Variants in OTULIN observed in about 807,000 individuals in gnomAD.
OTULIN encodes OTU deubiquitinase with linear linkage specificity.
OTULIN carries 15 observed loss-of-function variants against 39.6 expected under a neutral mutation model. The observed-to-expected ratio is 0.38, with a 90% confidence interval of 0.25 to 0.58. The LOEUF (loss-of-function observed/expected upper bound fraction) is 0.58, where lower values mean the gene tolerates loss of function less well. Among genes scored for constraint, OTULIN ranks in the 20% least tolerant of loss-of-function variants. The pLI, the probability that OTULIN is intolerant of heterozygous loss-of-function variation, is 0.66. For synonymous variants in OTULIN, 156 were observed against 170.3 expected (o/e 0.92, Z 0.65); for missense variants, 319 against 445.9 (o/e 0.72, Z 2.56).
Position 14,695,748 on chromosome 5 carries a change from A to G in OTULIN, c.*2700A>G, listed in dbSNP as rs1051472887. On this transcript the variant is annotated 3_prime_UTR_variant, in exon 7 of 7. Transcript: ENST00000284274. The stretch of plus-strand genomic sequence containing the variant: ...ATCCACAAGGAACAATGATAGTCAC[A>G]TTAGAGAACAAGAAACCAGTAATAC... The G allele has an allele frequency of 2.6e-4, 39 of 152,240 alleles. No individual in the cohort carries two copies. Among genetic ancestry groups the G allele is most frequent in the African/African-American group, 9.4e-4 (39 of 41,450 alleles). The allele number at this position is 152,240 out of a possible 1,614,324, so 9.4% of individuals were successfully genotyped here.
rs568767285 is a variant in OTULIN, at chr5:14,695,177, T to C, written c.*2129T>C. ...TGTCAGAATCTGTCAGACTCTTGTTTAGGTTTAGTGTGATCATGGCGTCAG... is the reference window on the plus strand; with the variant it reads ...TGTCAGAATCTGTCAGACTCTTGTTCAGGTTTAGTGTGATCATGGCGTCAG... On this transcript the variant is annotated 3_prime_UTR_variant, in exon 7 of 7. Coordinates refer to ENST00000284274, the MANE Select transcript of OTULIN (RefSeq NM_138348.6). 7.9e-5 allele frequency: 12 copies of C among 152,368 alleles called. No homozygotes were observed. Among genetic ancestry groups the C allele is most frequent in the African/African-American group, 2.2e-4 (9 of 41,592 alleles). The allele number at this position is 152,368 out of a possible 1,614,324, so 9.4% of individuals were successfully genotyped here.
chr5:14,686,753 C>T (rs1314430651), intron 4 of OTULIN, among the ~76,000 whole-genome samples: 2 of 152,152 alleles, frequency 1.3e-5, no homozygotes, highest in African/African-American at 4.8e-5. Flanking sequence ...TCAGGCTGTG[C>T]CTCAGCTTGC....
At chr5:14,680,811 C>T (rs1736229551) in intron 3 of OTULIN, among the ~76,000 whole-genome samples, 2 of 152,214 alleles carry the variant, frequency 1.3e-5, no homozygotes, top group South Asian at 2.1e-4. Context: ...GTAATCCCTG[C>T]ACTTTGGGAG....
intron 2 of OTULIN, among the ~76,000 whole-genome samples, chr5:14,676,379 C>T (rs1470149955): frequency 7.9e-5 from 12 of 152,262 alleles, no homozygotes; most frequent in Admixed American, 7.8e-4. Flanking sequence ...TGTCCTGCAT[C>T]TCCAGCTCCT....
At chr5:14,682,610 A>T (rs1736282495) in intron 4 of OTULIN, among the ~76,000 whole-genome samples, 1 of 152,256 alleles carries the variant, frequency 6.6e-6, no homozygotes, top group South Asian at 2.1e-4. Flanking sequence ...ATAGCAATTT[A>T]TGAAAAGAAA....
chr5:14,682,104 G>T (rs1432670826), intron 4 of OTULIN, among the ~76,000 whole-genome samples: 1 of 152,216 alleles, frequency 6.6e-6, no homozygotes, highest in Non-Finnish European at 1.5e-5. Context: ...GACTCAGCCT[G>T]TCCCAGGCCT....
In OTULIN at chr5:14,687,511, G is replaced by A. The variant is rs189738566; in HGVS notation, c.469-10G>A. 1.0e-3 allele frequency: 1,649 copies of A among 1,608,190 alleles called. 1 individual carries two copies. Among genetic ancestry groups the A allele is most frequent in the Non-Finnish European group, 1.3e-3 (1,519 of 1,178,296 alleles). ...ACACTTCTTTATCTCTTTGTTTCTC[G>A]ATGTTGTAGTTACCAGAAAAACTCA... On this transcript the variant is annotated splice_polypyrimidine_tract_variant and intron_variant, in intron 4 of 6. Coordinates refer to ENST00000284274, the MANE Select transcript of OTULIN (RefSeq NM_138348.6).
At chr5:14,686,806 G>A (rs894823290) in intron 4 of OTULIN, among the ~76,000 whole-genome samples, 3 of 152,096 alleles carry the variant, frequency 2.0e-5, no homozygotes, top group Admixed American at 1.3e-4. Context: ...GGGAAACAAA[G>A]TAACAAATAC....
At position 14,667,539 on chromosome 5, in the gene OTULIN, A is replaced by AT. The variant is rs1051186227; in HGVS notation, c.152+2571dup. Among the ~76,000 whole-genome samples the AT allele has an allele frequency of 1.6e-4, 24 of 151,608 alleles. No homozygotes were observed. In the East Asian group the frequency reaches 3.1e-3, roughly 20 times the overall value. On this transcript the variant is annotated intron_variant, in intron 1 of 6. Transcript: ENST00000284274. ...AGGTGCACGCCACCATACCCAGCTA[A>AT]TTTTTTTTTACTTTTTGTAGAGACA...
downstream of OTULIN, among the ~76,000 whole-genome samples, chr5:14,701,801 G>A (rs1416206420): frequency 1.3e-5 from 2 of 152,112 alleles, no homozygotes; most frequent in Non-Finnish European, 2.9e-5. Flanking sequence ...TCAGGCGTAA[G>A]CTGGTGCCCA....
chr5:14,680,300 G>A (rs1473664455), intron 3 of OTULIN, among the ~76,000 whole-genome samples: 1 of 151,982 alleles, frequency 6.6e-6, no homozygotes, highest in East Asian at 1.9e-4. Flanking sequence ...GTTATTGGGG[G>A]AAAAAAGTAC....
the OTULIN span, chr5:14,708,969 T>A: frequency 2.0e-5 from 3 of 152,164 alleles, no homozygotes; most frequent in Middle Eastern, 3.4e-3. Flanking sequence ...CTCGGCTCAC[T>A]ACAACCTCTG....
At position 14,694,728 on chromosome 5, in the gene OTULIN, C is replaced by T. The variant is rs984503947; in HGVS notation, c.*1680C>T. ...TTGATTAGAGTGTTGAAATCAAATT[C>T]TGCTCTAAATGTGTGTGAATATGTT... On this transcript the variant is annotated 3_prime_UTR_variant, in exon 7 of 7. Coordinates refer to ENST00000284274, the MANE Select transcript of OTULIN (RefSeq NM_138348.6). 10 of 152,582 alleles carry T rather than the reference C, an allele frequency of 6.6e-5. No homozygotes were observed. The highest frequency in any genetic ancestry group is 2.1e-4 in the South Asian group (1 of 4,834). The allele number at this position is 152,582 out of a possible 1,614,324, so 9.5% of individuals were successfully genotyped here.
At chr5:14,665,311 C>T (rs1214723041) in intron 1 of OTULIN, among the ~76,000 whole-genome samples, 2 of 152,288 alleles carry the variant, frequency 1.3e-5, no homozygotes, top group South Asian at 4.1e-4. Context: ...TAGATCTTTC[C>T]TTCAGCCTGG....
intron 2 of OTULIN, among the ~76,000 whole-genome samples, chr5:14,675,268 G>C (rs1322779204): frequency 4.6e-5 from 7 of 152,214 alleles, no homozygotes; most frequent in African/African-American, 1.7e-4. Flanking sequence ...ACCCTTGTCT[G>C]TGCTCTTCTG....
intron 2 of OTULIN, among the ~76,000 whole-genome samples, chr5:14,676,646 C>G (rs1736112606): frequency 6.6e-6 from 1 of 152,220 alleles, no homozygotes; most frequent in South Asian, 2.1e-4. Context: ...TCTTGGTGTG[C>G]ACAGGAATGA....
At chr5:14,691,980 C>A (rs1245333423) in intron 6 of OTULIN, among the ~76,000 whole-genome samples, 1 of 152,132 alleles carries the variant, frequency 6.6e-6, no homozygotes, top group Non-Finnish European at 1.5e-5. Flanking sequence ...ACATTTTATT[C>A]ATCTGTTCAA....
intron 1 of OTULIN, among the ~76,000 whole-genome samples, chr5:14,667,403 C>T (rs564833306): frequency 6.6e-6 from 1 of 152,302 alleles, no homozygotes; most frequent in South Asian, 2.1e-4. Context: ...GAGACAGGGT[C>T]GCTCTCTGTT....
intron 4 of OTULIN, among the ~76,000 whole-genome samples, chr5:14,686,391 C>G (rs1019625793): frequency 6.6e-6 from 1 of 152,224 alleles, no homozygotes; most frequent in East Asian, 1.9e-4. Context: ...ACCTCAAACT[C>G]CCGGGCTCAA....
Sources: gnomAD v4.1 joint callset for allele counts (sites outside exome capture counted in the v4.1 genomes callset) on GRCh38, gnomAD v4.1.1 for gene constraint, MANE v1.5 for transcripts, NCBI Gene and HGNC (gene_info 2026-07-23, HGNC 2026-07-21) for gene names.